The following TAFA5 variants were observed in gnomAD, a reference collection of about 807,000 sequenced individuals.
TAFA5 encodes the protein chemokine-like protein TAFA-5.
Under a neutral mutation model 15.3 loss-of-function variants are expected in TAFA5, and 6 were observed. The observed-to-expected ratio is 0.39, with a 90% CI of 0.21 to 0.77. The LOEUF is 0.77. Ranked by LOEUF, TAFA5 falls within the 30% of genes least tolerant of loss-of-function variation. TAFA5 has a pLI of 0.41. For synonymous variants in TAFA5, 103 were observed against 80.7 expected, an observed-to-expected ratio of 1.28 and a Z score of -1.48; for missense variants, 161 against 193.1, an observed-to-expected ratio of 0.83 and a Z score of 0.98.
chr22:48,684,940 C>T (rs899294736), intron 2 of TAFA5, among the ~76,000 whole-genome samples: 2 of 152,226 alleles, frequency 1.3e-5, no homozygotes, highest in Admixed American at 6.5e-5. Context: ...GAGGTTTATT[C>T]TCCGCCAGTG....
intron 1 of TAFA5, among the ~76,000 whole-genome samples, chr22:48,516,025 G>A (rs895904577): frequency 3.3e-5 from 5 of 151,974 alleles, no homozygotes; most frequent in Admixed American, 1.3e-4. Flanking sequence ...CGCCTTCACC[G>A]CCGCTCAGCA....
At chr22:48,656,233 G>C (rs112242390) in intron 2 of TAFA5, among the ~76,000 whole-genome samples, 1 of 152,066 alleles carries the variant, frequency 6.6e-6, no homozygotes, top group Non-Finnish European at 1.5e-5. Context: ...ACCAGATTGC[G>C]AGAACCATGG....
intron 1 of TAFA5, among the ~76,000 whole-genome samples, chr22:48,496,334 G>C (rs1236958701): frequency 1.4e-5 from 2 of 144,838 alleles, no homozygotes; most frequent in Non-Finnish European, 3.0e-5. Context: ...TGGGCTGTGA[G>C]CTTGGGGCAT....
At chr22:48,495,659 G>T (rs1928299701) in intron 1 of TAFA5, among the ~76,000 whole-genome samples, 2 of 152,176 alleles carry the variant, frequency 1.3e-5, no homozygotes, top group African/African-American at 4.8e-5. Flanking sequence ...TCCTCTCTCT[G>T]TCTGGGCTGC....
intron 1 of TAFA5, among the ~76,000 whole-genome samples, chr22:48,575,377 G>A (rs562024416): frequency 2.0e-5 from 3 of 149,074 alleles, no homozygotes; most frequent in East Asian, 3.9e-4. Context: ...CTCCGCGGCC[G>A]GGAGGAGCGC....
chr22:48,543,127 C>T (rs943662776), intron 1 of TAFA5, among the ~76,000 whole-genome samples: 1 of 151,962 alleles, frequency 6.6e-6, no homozygotes, highest in African/African-American at 2.4e-5. Flanking sequence ...TCCACGTCCT[C>T]CCCTGGCATC....
chr22:48,522,152 G>T (rs1921623332), intron 1 of TAFA5, among the ~76,000 whole-genome samples: 1 of 152,172 alleles, frequency 6.6e-6, no homozygotes, highest in African/African-American at 2.4e-5. Flanking sequence ...GTAGAAGCTG[G>T]AGATGGGCAG....
chr22:48,553,745 T>C lies in TAFA5; in HGVS notation c.112+64041T>C, dbSNP rs112311861. On this transcript the variant is annotated intron_variant, in intron 1 of 3. Coordinates refer to ENST00000402357, the MANE Select transcript of TAFA5 (RefSeq NM_001082967.3). ...CCGGGCTGGTGGTGCCCTCCCTGTC[T>C]GCCTGACCTGGGGTGCAGCCCTGGC... Among the ~76,000 whole-genome samples, 766 of 152,342 alleles carry C rather than the reference T, an allele frequency of 5.0e-3. 10 individuals are homozygous for C. The highest frequency in any genetic ancestry group is 0.017 in the African/African-American group (711 of 41,584).
chr22:48,491,114 G>A (rs1368646333), intron 1 of TAFA5, among the ~76,000 whole-genome samples: 2 of 152,226 alleles, frequency 1.3e-5, no homozygotes, highest in Non-Finnish European at 2.9e-5. Context: ...AGGCAGACGA[G>A]GCCACCGTGG....
At chr22:48,740,529 C>T (rs752645253) in intron 3 of TAFA5, among the ~76,000 whole-genome samples, 5 of 152,210 alleles carry the variant, frequency 3.3e-5, no homozygotes, top group African/African-American at 9.6e-5. Context: ...CCTCAGTTGG[C>T]GGATCTGCCT....
chr22:48,686,207 G>T (rs988739214), intron 2 of TAFA5, among the ~76,000 whole-genome samples: 10 of 152,230 alleles, frequency 6.6e-5, no homozygotes, highest in African/African-American at 2.2e-4. Flanking sequence ...CTGCCCAGGA[G>T]GGGAAAGGAG....
At position 48,585,332 on chromosome 22, in the gene TAFA5, C is replaced by T. The variant is rs1006454937; in HGVS notation, c.113-61265C>T. ...CATACACATACAAAATATTCACACACACACACATAAAATACACCACATACA... is the reference window on the plus strand; with the variant it reads ...CATACACATACAAAATATTCACACATACACACATAAAATACACCACATACA... On this transcript the variant is annotated intron_variant, in intron 1 of 3. Transcript: ENST00000402357. Among the ~76,000 whole-genome samples, 3 of 150,694 alleles carry T rather than the reference C, an allele frequency of 2.0e-5. No homozygotes were observed. The East Asian group carries it at 5.9e-4, about 30-fold the overall frequency.
chr22:48,625,025 G>A (rs1310304338), intron 1 of TAFA5, among the ~76,000 whole-genome samples: 1 of 152,008 alleles, frequency 6.6e-6, no homozygotes, highest in Non-Finnish European at 1.5e-5. Flanking sequence ...TGAGGCAGGA[G>A]AATTGCTTGA....
chr22:48,705,818 T>G (rs999485561), intron 2 of TAFA5, among the ~76,000 whole-genome samples: 1 of 152,250 alleles, frequency 6.6e-6, no homozygotes, highest in Non-Finnish European at 1.5e-5. Flanking sequence ...CACAACTGTT[T>G]ATGTAGTTGT....
intron 1 of TAFA5, among the ~76,000 whole-genome samples, chr22:48,568,510 A>C (rs1029226118): frequency 6.6e-6 from 1 of 152,234 alleles, no homozygotes; most frequent in African/African-American, 2.4e-5. Context: ...GGAGATCCCC[A>C]CAACAGTGTG....
intron 3 of TAFA5, among the ~76,000 whole-genome samples, chr22:48,716,577 T>G (rs1434764071): frequency 6.6e-6 from 1 of 152,138 alleles, no homozygotes; most frequent in Non-Finnish European, 1.5e-5. Context: ...ATGTGGGGCT[T>G]AAAACCTAGA....
In TAFA5 at chr22:48,605,420, ATGG is replaced by A. The variant is rs201199287; in HGVS notation, c.113-41153_113-41151del. Among the ~76,000 whole-genome samples the A allele has an allele frequency of 2.5e-3, 282 of 113,284 alleles. 3 individuals are homozygous for A. Among genetic ancestry groups the A allele is most frequent in the Admixed American group, 9.0e-3 (109 of 12,054 alleles). 74.3% of individuals were successfully genotyped at this position (113,284 alleles called of 152,430 possible). The stretch of plus-strand genomic sequence containing the variant: ...GGTAATGATGGTGGTGATGGTGAGG[ATGG>A]TGGTGGTGGTGGTGGTGGTGGTGAT... On this transcript the variant is annotated intron_variant, in intron 1 of 3. Coordinates refer to ENST00000402357, the MANE Select transcript of TAFA5 (RefSeq NM_001082967.3).
At chr22:48,576,633 G>T in intron 1 of TAFA5, 7 of 1,299,228 alleles carry the variant, frequency 5.4e-6, no homozygotes, top group Non-Finnish European at 6.9e-6. Context: ...GGCGGCTCCG[G>T]CGCCCGACCC....
chr22:48,648,037 G>A (rs1323360190), intron 2 of TAFA5, among the ~76,000 whole-genome samples: 2 of 152,192 alleles, frequency 1.3e-5, no homozygotes, highest in Non-Finnish European at 1.5e-5. Context: ...GAGTAGGGCC[G>A]AGGATATGTA....
Sources: allele counts gnomAD v4.1 joint callset (sites outside exome capture counted in the v4.1 genomes callset), GRCh38; gene constraint gnomAD v4.1.1; transcripts MANE v1.5; gene names NCBI Gene and HGNC (gene_info 2026-07-23, HGNC 2026-07-21).